Variants in SBNO1 observed in about 807,000 individuals in gnomAD.
SBNO1 encodes protein strawberry notch homolog 1.
Under a neutral mutation model 173.6 loss-of-function variants are expected in SBNO1, and 23 were observed. The observed-to-expected ratio is 0.13, with a 90% CI of 0.10 to 0.19. The LOEUF (loss-of-function observed/expected upper bound fraction) is 0.19. Ranked by LOEUF, SBNO1 falls within the 10% of genes least tolerant of loss-of-function variation. SBNO1 has a pLI of 1.00. For synonymous variants in SBNO1, 632 were observed against 571.5 expected, an observed-to-expected ratio of 1.11 and a Z score of -1.51; for missense variants, 1,238 against 1,671.2, an observed-to-expected ratio of 0.74 and a Z score of 4.52.
rs1248993255 is a variant in SBNO1, at chr12:123,327,733, A to C, written c.1512T>G (p.Ser504Arg). 1 of 1,613,646 alleles carries C rather than the reference A, an allele frequency of 6.2e-7. No individual in the cohort carries two copies. Among genetic ancestry groups the C allele is most frequent in the South Asian group, 1.1e-5 (1 of 91,064 alleles). Residue 504 changes from serine (S) to arginine (R), a missense_variant, in exon 12 of 32, where the codon AGT (serine) becomes AGG (arginine). Coordinates refer to ENST00000602398, the MANE Select transcript of SBNO1 (RefSeq NM_001167856.3). Reference protein sequence around the residue: ...WGEGTPFREFSDFIQAVERRG... With the variant: ...WGEGTPFREFRDFIQAVERRG... ...TCCGTTCTACTGCTTGAATAAAATC[A>C]CTGAATTCTCTAAATGGAGTACCCT...
At chr12:123,322,208 C>G (rs547391393) in intron 16 of SBNO1, among the ~76,000 whole-genome samples, 1 of 152,320 alleles carries the variant, frequency 6.6e-6, no homozygotes, top group East Asian at 1.9e-4. Context: ...TCATAGCTCA[C>G]TGCAGCCTCG....
chr12:123,350,155 G>A (rs183162131), intron 2 of SBNO1, among the ~76,000 whole-genome samples, 155 bp downstream of exon 2: 2 of 152,118 alleles, frequency 1.3e-5, no homozygotes, highest in Non-Finnish European at 2.9e-5. Flanking sequence ...TTGGGGGGCT[G>A]AGGCAGAAGG....
chr12:123,308,907 C>T (rs902077723), intron 28 of SBNO1, among the ~76,000 whole-genome samples: 1 of 152,150 alleles, frequency 6.6e-6, no homozygotes, highest in African/African-American at 2.4e-5. Flanking sequence ...AGTTTGAGAA[C>T]AGCCTGACCA....
chr12:123,339,331 TCCCC>T (rs1872259201), intron 5 of SBNO1, among the ~76,000 whole-genome samples: 1 of 151,928 alleles, frequency 6.6e-6, no homozygotes, highest in Non-Finnish European at 1.5e-5. Flanking sequence ...CCTTCTTACT[TCCCC>T]CTTAGGTTAA....
intron 16 of SBNO1, among the ~76,000 whole-genome samples, chr12:123,322,133 A>G (rs2138970536): frequency 6.6e-6 from 1 of 152,304 alleles, no homozygotes; most frequent in South Asian, 2.1e-4. Flanking sequence ...AAATCAATTT[A>G]TAAAACCTTT....
chr12:123,340,900 T>C, intron 5 of SBNO1, 88 bp downstream of exon 5: 3 of 813,044 alleles, frequency 3.7e-6, no homozygotes. Context: ...CAAAAACAGC[T>C]TTCTGAGGGT....
chr12:123,329,653 T>C (rs1204908955), intron 9 of SBNO1, among the ~76,000 whole-genome samples: 1 of 152,144 alleles, frequency 6.6e-6, no homozygotes, highest in Non-Finnish European at 1.5e-5. Flanking sequence ...TATACAGTCA[T>C]TCAAGACACA....
intron 10 of SBNO1, among the ~76,000 whole-genome samples, chr12:123,328,358 TG>T (rs1870821007): frequency 6.6e-6 from 1 of 152,214 alleles, no homozygotes; most frequent in African/African-American, 2.4e-5. Context: ...CAAAAAGTGA[TG>T]TTCCTCATGC....
chr12:123,320,111 CTT>C, intron 19 of SBNO1, 80 bp from the exon 20 acceptor site: 1 of 1,496,734 alleles, frequency 6.7e-7, no homozygotes, highest in Non-Finnish European at 9.2e-7. Context: ...CTTGAAGACA[CTT>C]GGGAGATAAG....
At chr12:123,351,200 C>T (rs1463862814) in intron 1 of SBNO1, among the ~76,000 whole-genome samples, 2 of 152,146 alleles carry the variant, frequency 1.3e-5, no homozygotes, top group Admixed American at 1.3e-4. Flanking sequence ...AAGTATGGGG[C>T]TCAGGCAGGA....
chr12:123,355,632 A>C (rs1178313676), intron 1 of SBNO1, among the ~76,000 whole-genome samples: 2 of 151,500 alleles, frequency 1.3e-5, no homozygotes, highest in African/African-American at 2.4e-5. Context: ...AACCTCAAAA[A>C]ATTAGCTGGG....
intron 1 of SBNO1, 129 bp from the exon 2 acceptor site, chr12:123,350,570 T>C (rs931450136): frequency 2.7e-6 from 2 of 737,610 alleles, no homozygotes; most frequent in Non-Finnish European, 4.6e-6. Context: ...GAACCTGCCA[T>C]GTCTCAGACA....
At chr12:123,316,595 C>A (rs1869301197) in intron 21 of SBNO1, among the ~76,000 whole-genome samples, 1 of 152,084 alleles carries the variant, frequency 6.6e-6, no homozygotes, top group South Asian at 2.1e-4. Context: ...TCATATCTCA[C>A]TGCAACCTTG....
intron 28 of SBNO1, 25 bp downstream of exon 28, chr12:123,309,285 A>T (rs1171098945): frequency 6.5e-7 from 1 of 1,549,300 alleles, no homozygotes; most frequent in African/African-American, 1.4e-5. Context: ...ATATATCTGA[A>T]TAGAATTTAA....
At chr12:123,309,463 T>C in intron 27 of SBNO1, 26 bp downstream of exon 27, 1 of 1,599,870 alleles carries the variant, frequency 6.3e-7, no homozygotes, top group Non-Finnish European at 8.6e-7. Flanking sequence ...GGGAAGACGA[T>C]ACTTCACAAC....
At chr12:123,339,138 G>A (rs10773010) in intron 5 of SBNO1, among the ~76,000 whole-genome samples, 9,478 of 152,030 alleles carry the variant, frequency 0.062, 326 homozygotes, top group South Asian at 0.11. Context: ...ACTGGGTACC[G>A]CCAGTAGCAC....
chr12:123,340,747 T>G (rs1041564792), intron 5 of SBNO1, among the ~76,000 whole-genome samples: 4 of 152,154 alleles, frequency 2.6e-5, no homozygotes, highest in African/African-American at 9.7e-5. Context: ...ATGAGATTTT[T>G]AACAGTAAGA....
At chr12:123,316,950 C>T (rs1222148019) in intron 21 of SBNO1, among the ~76,000 whole-genome samples, 1 of 151,954 alleles carries the variant, frequency 6.6e-6, no homozygotes. Flanking sequence ...GATGCACCCA[C>T]CTCAGCCTCC....
rs1402812154 is a variant in SBNO1, at chr12:123,309,849, G to A, written c.3303C>T (p.Asn1101=). 1 of 1,584,656 alleles carries A rather than the reference G, an allele frequency of 6.3e-7. No homozygotes were observed. The highest frequency in any genetic ancestry group is 8.6e-7 in the Non-Finnish European group (1 of 1,166,680). ...TTCTATTTAAGAATTTTCCTATGTTGTTATAATCTGTAATGACAAAAGATA... is the reference window on the plus strand; with the variant it reads ...TTCTATTTAAGAATTTTCCTATGTTATTATAATCTGTAATGACAAAAGATA... The part of the protein sequence containing the change: ...SGILTLDKDY[N]NIGKFLNRIL... Residue 1101 remains asparagine, a synonymous_variant, in exon 26 of 32, where the codon AAC becomes AAT. Transcript: ENST00000602398.
Sources: gnomAD v4.1 joint callset for allele counts (sites outside exome capture counted in the v4.1 genomes callset) on GRCh38, gnomAD v4.1.1 for gene constraint, MANE v1.5 for transcripts, NCBI Gene and HGNC (gene_info 2026-07-23, HGNC 2026-07-21) for gene names.